The following CDH18 variants were observed in gnomAD, a reference collection of about 807,000 sequenced individuals.
The protein encoded by CDH18 is cadherin-18.
In CDH18, 31 loss-of-function variants were observed where a neutral mutation model predicts 67.9. The observed-to-expected ratio is 0.46, with a 90% confidence interval of 0.34 to 0.62. The LOEUF (loss-of-function observed/expected upper bound fraction) is 0.62, where lower values mean the gene tolerates loss of function less well. Ranked by LOEUF, CDH18 falls within the 20% of genes least tolerant of loss-of-function variation. CDH18 has a pLI of 0.01. For missense variants in CDH18, 890 were observed against 975.5 expected, an observed-to-expected ratio of 0.91 and a Z score of 1.17; for synonymous variants, 362 against 347.2, an observed-to-expected ratio of 1.04 and a Z score of -0.48.
In CDH18 at chr5:19,882,463, A is replaced by G. The variant is rs1787758532; in HGVS notation, c.-256-43221T>C. ...TTCTTAGGATCATTAAGTCAAATGA[A>G]TCTTAAGAGATAAAGAATTTCATAC... On this transcript the variant is annotated intron_variant, in intron 2 of 12. Transcript: ENST00000382275. Among the ~76,000 whole-genome samples, 2 of 152,162 alleles carry G rather than the reference A, an allele frequency of 1.3e-5. 1 individual carries two copies. The highest frequency in any genetic ancestry group is 4.1e-4 in the South Asian group (2 of 4,830).
chr5:20,455,485 G>A (rs1444746239), intron 1 of CDH18, among the ~76,000 whole-genome samples: 1 of 151,996 alleles, frequency 6.6e-6, no homozygotes, highest in Non-Finnish European at 1.5e-5. Context: ...GCAATATTTA[G>A]AGAGCAACAC....
intron 9 of CDH18, among the ~76,000 whole-genome samples, chr5:19,540,302 T>G (rs899062606): frequency 3.9e-5 from 6 of 152,110 alleles, no homozygotes; most frequent in African/African-American, 1.4e-4. Context: ...CCTGTGGCTT[T>G]GCAGGGTACA....
chr5:20,305,554 G>A (rs1287371008), intron 1 of CDH18: 5 of 701,546 alleles, frequency 7.1e-6, no homozygotes, highest in Non-Finnish European at 1.0e-5. Context: ...TGGTCGCGGG[G>A]CTGAGGGCGC....
intron 2 of CDH18, among the ~76,000 whole-genome samples, chr5:20,215,116 G>A (rs974162955): frequency 2.6e-5 from 4 of 151,940 alleles, no homozygotes; most frequent in Admixed American, 2.6e-4. Flanking sequence ...TAGTAGAAAT[G>A]CAAATCAAAA....
chr5:19,784,050 T>C (rs968170865), intron 3 of CDH18, among the ~76,000 whole-genome samples: 1 of 152,170 alleles, frequency 6.6e-6, no homozygotes, highest in African/African-American at 2.4e-5. Context: ...AAAAAGTAAA[T>C]TCATTTCTTC....
intron 3 of CDH18, among the ~76,000 whole-genome samples, chr5:19,769,420 A>G (rs561879946): frequency 6.6e-6 from 1 of 152,206 alleles, no homozygotes; most frequent in East Asian, 1.9e-4. Context: ...AAAGAAAACT[A>G]CTATCAACTA....
chr5:19,681,481 T>G (rs911486788), intron 5 of CDH18, among the ~76,000 whole-genome samples: 1 of 152,186 alleles, frequency 6.6e-6, no homozygotes, highest in Admixed American at 6.6e-5. Flanking sequence ...AACTAAAAAC[T>G]ACTTTCTTAT....
At chr5:19,924,948 T>C (rs1355667517) in intron 2 of CDH18, among the ~76,000 whole-genome samples, 1 of 152,162 alleles carries the variant, frequency 6.6e-6, no homozygotes, top group African/African-American at 2.4e-5. Context: ...GGGATTGGGG[T>C]ACCGATGCTA....
chr5:19,481,754 CA>C (rs1739456243), intron 12 of CDH18, among the ~76,000 whole-genome samples: 1 of 152,078 alleles, frequency 6.6e-6, no homozygotes, highest in South Asian at 2.1e-4. Context: ...ACCCCAGGAA[CA>C]AAACAAGGAA....
At chr5:20,457,570 T>A (rs915473254) in intron 1 of CDH18, among the ~76,000 whole-genome samples, 4 of 152,134 alleles carry the variant, frequency 2.6e-5, no homozygotes, top group African/African-American at 9.7e-5. Flanking sequence ...GATGCTCTTC[T>A]TTTTCCGAGA....
chr5:19,577,543 A>G (rs1742514859), intron 7 of CDH18, among the ~76,000 whole-genome samples: 1 of 152,208 alleles, frequency 6.6e-6, no homozygotes, highest in Non-Finnish European at 1.5e-5. Context: ...ACAGGTCCAC[A>G]GATGAAGATT....
At chr5:19,760,858 T>C (rs1772240416) in intron 3 of CDH18, among the ~76,000 whole-genome samples, 1 of 152,246 alleles carries the variant, frequency 6.6e-6, no homozygotes, top group East Asian at 1.9e-4. Flanking sequence ...ACTGTTGCCG[T>C]TGCCTCAGGC....
intron 2 of CDH18, among the ~76,000 whole-genome samples, chr5:20,004,644 G>GA (rs1337195030): frequency 6.6e-6 from 1 of 152,204 alleles, no homozygotes; most frequent in East Asian, 1.9e-4. Flanking sequence ...CTCTGGGATA[G>GA]AAAACATTTG....
At chr5:20,209,973 G>C (rs957957840) in intron 2 of CDH18, among the ~76,000 whole-genome samples, 4 of 150,926 alleles carry the variant, frequency 2.7e-5, no homozygotes, top group Non-Finnish European at 5.9e-5. Flanking sequence ...TATAATTTAA[G>C]AAGTAATATT....
At chr5:20,018,904 C>T (rs917965719) in intron 2 of CDH18, among the ~76,000 whole-genome samples, 4 of 144,070 alleles carry the variant, frequency 2.8e-5, no homozygotes, top group African/African-American at 8.0e-5. Flanking sequence ...ACGCCATTCT[C>T]CTGCCTCAGC....
intron 9 of CDH18, among the ~76,000 whole-genome samples, chr5:19,542,046 T>A (rs1206141972): frequency 6.6e-6 from 1 of 152,178 alleles, no homozygotes; most frequent in Non-Finnish European, 1.5e-5. Flanking sequence ...AGAGAACCCC[T>A]TTAAAAGTAA....
At chr5:20,159,970 G>A (rs1751847049) in intron 2 of CDH18, among the ~76,000 whole-genome samples, 1 of 152,068 alleles carries the variant, frequency 6.6e-6, no homozygotes, top group Admixed American at 6.6e-5. Flanking sequence ...CATTATCAGT[G>A]AGATAACAAA....
At chr5:20,297,191 G>T (rs940281342) in intron 1 of CDH18, among the ~76,000 whole-genome samples, 17 of 152,152 alleles carry the variant, frequency 1.1e-4, no homozygotes, top group Non-Finnish European at 2.5e-4. Context: ...TCATGAAAAT[G>T]ATCCTATAGG....
At position 20,317,666 on chromosome 5, in the gene CDH18, A is replaced by G. The variant is rs371893731; in HGVS notation, c.-579-62161T>C. Among the ~76,000 whole-genome samples, 49 of 152,304 alleles carry G rather than the reference A, an allele frequency of 3.2e-4. No individual in the cohort carries two copies. In the South Asian group the frequency reaches 9.3e-3, roughly 29 times the overall value. ...AATGCTTACAAATTATGTTCAACATAAGCTTTTATGCATATATCAAAATTA... is the reference window on the plus strand; with the variant it reads ...AATGCTTACAAATTATGTTCAACATGAGCTTTTATGCATATATCAAAATTA... On this transcript the variant is annotated intron_variant, in intron 1 of 14. Coordinates refer to the CDH18 transcript ENST00000507958.
Sources: allele counts gnomAD v4.1 joint callset (sites outside exome capture counted in the v4.1 genomes callset), GRCh38; gene constraint gnomAD v4.1.1; transcripts MANE v1.5; gene names NCBI Gene and HGNC (gene_info 2026-07-23, HGNC 2026-07-21).